C6orf89: variants seen among roughly 807,000 people sequenced by gnomAD.
C6orf89 encodes chromosome 6 open reading frame 89.
In C6orf89, 29 loss-of-function variants were observed where a neutral mutation model predicts 40.7. The ratio of observed to expected loss-of-function variants is 0.71; its 90% CI spans 0.53 to 0.97. The LOEUF (loss-of-function observed/expected upper bound fraction) is 0.97. Among genes scored for constraint, C6orf89 ranks in the 50% least tolerant of loss-of-function variants. The pLI is 0.00. For synonymous variants in C6orf89, 165 were observed against 152.2 expected (o/e 1.08, Z -0.62); for missense variants, 392 against 429.1 (o/e 0.91, Z 0.76).
intron 4 of C6orf89, among the ~76,000 whole-genome samples, chr6:36,910,016 A>T (rs1033965720): frequency 6.6e-6 from 1 of 152,194 alleles, no homozygotes; most frequent in Non-Finnish European, 1.5e-5. Flanking sequence ...GAGGAAACTG[A>T]TGTGCCAAGG....
chr6:36,914,353 G>T lies in C6orf89; in HGVS notation c.473G>T (p.Gly158Val), dbSNP rs1385271073. The stretch of plus-strand genomic sequence containing the variant: ...GAGCCCATTCCTGCCAACTGCACTG[G>T]CTGTGCCCAGAAACACCTGAAGGTG... ...ESEPIPANCT[G>V]CAQKHLKVML... Residue 158 changes from glycine to valine, a missense_variant, in exon 5 of 9, where the codon GGC (glycine) becomes GTC (valine). By Grantham distance (109) the Gly-to-Val change is moderately radical (BLOSUM62 -3). Transcript: ENST00000480824. 1 of 1,614,176 alleles carries T rather than the reference G, an allele frequency of 6.2e-7. No individual in the cohort carries two copies. The highest frequency in any genetic ancestry group is 8.5e-7 in the Non-Finnish European group (1 of 1,180,028).
intron 2 of C6orf89, among the ~76,000 whole-genome samples, chr6:36,879,829 C>G (rs1261463148): frequency 6.6e-6 from 1 of 152,114 alleles, no homozygotes; most frequent in Admixed American, 6.5e-5. Flanking sequence ...TTCTCTTGGT[C>G]TCCACCTTCT....
intron 3 of C6orf89, among the ~76,000 whole-genome samples, chr6:36,901,065 C>T (rs1413285366): frequency 3.3e-5 from 5 of 151,584 alleles, no homozygotes; most frequent in South Asian, 2.1e-4. Context: ...CAGCTGGTCT[C>T]GAACTCCTGA....
At chr6:36,887,024 GCTA>G (rs750623998) in intron 1 of C6orf89, among the ~76,000 whole-genome samples, 32 of 152,246 alleles carry the variant, frequency 2.1e-4, no homozygotes, top group Non-Finnish European at 4.1e-4. Flanking sequence ...TTCCTCCACA[GCTA>G]CTCCACACAC....
chr6:36,925,349 T>C lies in C6orf89; in HGVS notation c.*1908T>C, dbSNP rs1191366363. The C allele has an allele frequency of 6.6e-6, 1 of 152,204 alleles. No individual in the cohort carries two copies. Among genetic ancestry groups the C allele is most frequent in the Non-Finnish European group, 1.5e-5 (1 of 68,038 alleles). 9.4% of individuals were successfully genotyped at this position (152,204 alleles called of 1,614,324 possible). A position where few individuals can be genotyped will look rare whatever the true frequency, so the allele number is the denominator to read the frequency against. On this transcript the variant is annotated 3_prime_UTR_variant, in exon 9 of 9. Transcript: ENST00000480824. ...TTTCTTAGGAACAAAGCAACTATTT[T>C]GATTACTGAGATCTCTGTTTTGTTT...
At chr6:36,881,683 A>C (rs1031776249), upstream of C6orf89, among the ~76,000 whole-genome samples, 3 of 148,840 alleles carry the variant, frequency 2.0e-5, no homozygotes, top group Middle Eastern at 3.6e-3. Flanking sequence ...TCGAAAAAAC[A>C]AAACAAAACA....
chr6:36,882,274 C>A (rs572205941), upstream of C6orf89, among the ~76,000 whole-genome samples: 1 of 152,274 alleles, frequency 6.6e-6, no homozygotes, highest in South Asian at 2.1e-4. Flanking sequence ...ATTTAACAAA[C>A]CTTTCAAAAT....
intron 4 of C6orf89, among the ~76,000 whole-genome samples, chr6:36,903,118 G>T (rs74429500): frequency 0.014 from 2,080 of 152,232 alleles, 40 homozygotes; most frequent in African/African-American, 0.046. Context: ...GGGTGTGGTG[G>T]TTTACAACTA....
chr6:36,894,850 T>C (rs1583160085), intron 2 of C6orf89, among the ~76,000 whole-genome samples: 1 of 152,244 alleles, frequency 6.6e-6, no homozygotes, highest in East Asian at 1.9e-4. Context: ...ATGAATTGAA[T>C]TTTTCTCCTT....
In C6orf89 at chr6:36,893,347, A is replaced by T. The variant is rs544876074; in HGVS notation, c.-119-1157A>T. ...AAGACAATAAAAAATGTCTCCAGGC[A>T]TCCCTGGGGGCAGAATCTTTTCCAG... is the stretch of plus-strand genomic sequence containing the variant. On this transcript the variant is annotated intron_variant, in intron 1 of 8. Transcript: ENST00000480824. Among the ~76,000 whole-genome samples, 9 of 152,228 alleles carry T rather than the reference A, an allele frequency of 5.9e-5. No individual in the cohort carries two copies. In the East Asian group the frequency reaches 1.7e-3, roughly 29 times the overall value.
chr6:36,885,286 G>A (rs1370478164), upstream of C6orf89, among the ~76,000 whole-genome samples: 1 of 152,120 alleles, frequency 6.6e-6, no homozygotes, highest in African/African-American at 2.4e-5. Context: ...GGCAAACACC[G>A]AGCTGTAACC....
In C6orf89 at chr6:36,927,221, C is replaced by G. The variant is rs909990197; in HGVS notation, c.*3780C>G. The G allele has an allele frequency of 6.6e-6, 1 of 152,224 alleles. No individual in the cohort carries two copies. The highest frequency in any genetic ancestry group is 1.5e-5 in the Non-Finnish European group (1 of 68,042). The allele number at this position is 152,224 out of a possible 1,614,324, so 9.4% of individuals were successfully genotyped here. On this transcript the variant is annotated 3_prime_UTR_variant, in exon 9 of 9. Transcript: ENST00000480824. ...TTTTCAATTCTTGGTTTTCTGTTCCCTTCTACCAAAACCCAGCATAGGACT... is the reference window on the plus strand; with the variant it reads ...TTTTCAATTCTTGGTTTTCTGTTCCGTTCTACCAAAACCCAGCATAGGACT...
chr6:36,912,283 T>C (rs1198419547), intron 4 of C6orf89, among the ~76,000 whole-genome samples: 1 of 152,192 alleles, frequency 6.6e-6, no homozygotes, highest in Admixed American at 6.5e-5. Context: ...AGAATGAGAA[T>C]AGTGATTCCT....
chr6:36,926,555 AAAAAAGAG>A lies in C6orf89; in HGVS notation c.*3116_*3123del, dbSNP rs1230196654. The A allele has an allele frequency of 9.4e-5, 12 of 127,212 alleles. No homozygotes were observed. The highest frequency in any genetic ancestry group is 7.4e-4 in the Admixed American group (10 of 13,432). The allele number at this position is 127,212 out of a possible 1,614,324, so 7.9% of individuals were successfully genotyped here. ...CAAAGGAAAGGAAAGAAAAGAAAAA[AAAAAAGAG>A]AGAGAGAAAAGAAGAGGGGAGGGGA... On this transcript the variant is annotated 3_prime_UTR_variant, in exon 9 of 9. Transcript: ENST00000480824.
At chr6:36,876,742 G>A (rs68023353) in intron 1 of C6orf89, among the ~76,000 whole-genome samples, 20,673 of 109,576 alleles carry the variant, frequency 0.19, 1,804 homozygotes, top group African/African-American at 0.24. Flanking sequence ...AAAAAAAAAA[G>A]AAGAAGAAGA....
intron 2 of C6orf89, among the ~76,000 whole-genome samples, chr6:36,899,037 A>C (rs1472912119): frequency 6.6e-6 from 1 of 152,100 alleles, no homozygotes; most frequent in Non-Finnish European, 1.5e-5. Context: ...CACTGTGCAT[A>C]ATCCATTTTT....
intron 1 of C6orf89, among the ~76,000 whole-genome samples, chr6:36,874,518 C>G (rs1244145293): frequency 6.6e-6 from 1 of 152,242 alleles, no homozygotes; most frequent in Non-Finnish European, 1.5e-5. Flanking sequence ...TTGCTGAGAC[C>G]TCAGCACAAG....
At chr6:36,890,635 G>A (rs1006059965) in intron 1 of C6orf89, among the ~76,000 whole-genome samples, 1 of 152,182 alleles carries the variant, frequency 6.6e-6, no homozygotes, top group Non-Finnish European at 1.5e-5. Flanking sequence ...CCAGGTTCAA[G>A]TGATTCTCAT....
At position 36,917,936 on chromosome 6, in the gene C6orf89, T is replaced by C. The variant is rs552833975; in HGVS notation, c.825+1362T>C. Among the ~76,000 whole-genome samples the C allele has an allele frequency of 8.5e-5, 13 of 152,302 alleles. No homozygotes were observed. The East Asian group carries it at 2.3e-3, about 27-fold the overall frequency. ...AATGCTTACGAGAGTCATGCTGTGG[T>C]TCTCGAGGATGTTTTGGGAAGGGCA... On this transcript the variant is annotated intron_variant, in intron 7 of 8. Coordinates refer to ENST00000480824, the MANE Select transcript of C6orf89 (RefSeq NM_001286635.2).
Sources: gnomAD v4.1 joint callset for allele counts (sites outside exome capture counted in the v4.1 genomes callset) on GRCh38, gnomAD v4.1.1 for gene constraint, MANE v1.5 for transcripts, NCBI Gene and HGNC (gene_info 2026-07-23, HGNC 2026-07-21) for gene names.